The following COL25A1 variants were observed in gnomAD, a reference collection of about 807,000 sequenced individuals.
COL25A1 encodes the protein collagen type XXV alpha 1 chain, also known as collagen alpha-1(XXV) chain.
COL25A1 carries 103 observed loss-of-function variants against 128.4 expected under a neutral mutation model. That is an observed-to-expected ratio of 0.80 (90% CI 0.68 to 0.94). The LOEUF (loss-of-function observed/expected upper bound fraction) is 0.94. Among genes scored for constraint, COL25A1 ranks in the 40% least tolerant of loss-of-function variants. The pLI is 0.00. For synonymous variants in COL25A1, 279 were observed against 277.2 expected, an observed-to-expected ratio of 1.01 and a Z score of -0.06; for missense variants, 745 against 840.0, an observed-to-expected ratio of 0.89 and a Z score of 1.40.
At chr4:109,116,874 T>C (rs1767621720) in intron 3 of COL25A1, among the ~76,000 whole-genome samples, 2 of 152,000 alleles carry the variant, frequency 1.3e-5, no homozygotes, top group African/African-American at 4.8e-5. Context: ...AAGAATGCCT[T>C]GATGGACTCA....
chr4:109,180,439 GAC>G (rs1323409636), intron 3 of COL25A1, among the ~76,000 whole-genome samples: 1 of 152,000 alleles, frequency 6.6e-6, no homozygotes, highest in Non-Finnish European at 1.5e-5. Flanking sequence ...TAGAGAGTTG[GAC>G]AAGCTACCTA....
At chr4:109,039,016 T>G (rs940838721) in intron 5 of COL25A1, among the ~76,000 whole-genome samples, 1 of 152,162 alleles carries the variant, frequency 6.6e-6, no homozygotes, top group Non-Finnish European at 1.5e-5. Flanking sequence ...CCACCTCCAC[T>G]TCTATCTCCT....
At chr4:109,271,160 T>C (rs1464252280) in intron 3 of COL25A1, among the ~76,000 whole-genome samples, 1 of 152,230 alleles carries the variant, frequency 6.6e-6, no homozygotes, top group Non-Finnish European at 1.5e-5. Flanking sequence ...GTTTTGAATA[T>C]AATGCTATTT....
intron 3 of COL25A1, among the ~76,000 whole-genome samples, chr4:109,158,031 T>C (rs1772201012): frequency 6.6e-6 from 1 of 152,312 alleles, no homozygotes. Flanking sequence ...ACAAACCACC[T>C]GTTGAACTAA....
intron 3 of COL25A1, among the ~76,000 whole-genome samples, chr4:109,113,808 AG>A (rs1266403188): frequency 1.3e-5 from 2 of 152,118 alleles, no homozygotes; most frequent in African/African-American, 4.8e-5. Context: ...AAAAAGCATG[AG>A]CTCTAAATAA....
chr4:109,244,793 A>T (rs1780150837), intron 3 of COL25A1, among the ~76,000 whole-genome samples: 1 of 152,172 alleles, frequency 6.6e-6, no homozygotes, highest in South Asian at 2.1e-4. Flanking sequence ...ATATTTGATG[A>T]AGGGCATGAA....
intron 26 of COL25A1, among the ~76,000 whole-genome samples, chr4:108,851,049 T>C (rs1735715680): frequency 6.6e-6 from 1 of 151,938 alleles, no homozygotes; most frequent in Non-Finnish European, 1.5e-5. Context: ...GGTGAAATAA[T>C]GAACTTAGAC....
At chr4:109,287,425 T>C (rs1723996907) in intron 3 of COL25A1, among the ~76,000 whole-genome samples, 2 of 152,180 alleles carry the variant, frequency 1.3e-5, no homozygotes, top group Non-Finnish European at 2.9e-5. Flanking sequence ...ATACATGACC[T>C]TTCACCTTTG....
intron 3 of COL25A1, among the ~76,000 whole-genome samples, chr4:109,243,517 G>C (rs1394178732): frequency 6.6e-6 from 1 of 151,862 alleles, no homozygotes; most frequent in Non-Finnish European, 1.5e-5. Context: ...TTAAAGGGTT[G>C]GTAGGTAGTA....
At chr4:108,915,408 C>T (rs1560856275) in intron 13 of COL25A1, among the ~76,000 whole-genome samples, 1 of 152,066 alleles carries the variant, frequency 6.6e-6, no homozygotes, top group Non-Finnish European at 1.5e-5. Context: ...ACCATGTTGC[C>T]CAGGTTGGTC....
chr4:108,968,050 T>C lies in COL25A1; in HGVS notation c.492+6317A>G, dbSNP rs572678168. On this transcript the variant is annotated intron_variant, in intron 8 of 37. Transcript: ENST00000399132. ...GTGTTTGGAAGAATGAATTAAAGATTAGTGGCAAATCTGCAATGACATCTC... is the reference window on the plus strand; with the variant it reads ...GTGTTTGGAAGAATGAATTAAAGATCAGTGGCAAATCTGCAATGACATCTC... Among the ~76,000 whole-genome samples the C allele has an allele frequency of 1.1e-4, 17 of 152,276 alleles. No individual in the cohort carries two copies. In the South Asian group the frequency reaches 3.5e-3, roughly 32 times the overall value.
intron 3 of COL25A1, among the ~76,000 whole-genome samples, chr4:109,229,079 C>G (rs1778990862): frequency 6.6e-6 from 1 of 152,110 alleles, no homozygotes; most frequent in Admixed American, 6.5e-5. Flanking sequence ...ATTTTAATAT[C>G]TTAAAGAAAA....
chr4:108,846,089 AATAAGAAC>A lies in COL25A1; in HGVS notation c.1515+42_1515+49del, dbSNP rs749703799. 4 of 1,181,666 alleles carry A rather than the reference AATAAGAAC, an allele frequency of 3.4e-6. No homozygotes were observed. The South Asian group carries it at 5.1e-5, about 15-fold the overall frequency. 73.2% of individuals were successfully genotyped at this position (1,181,666 alleles called of 1,614,324 possible). ...CTTTTCTGATTGTTTAATTTATCTT[AATAAGAAC>A]ATAATATAAAAAGTATAAACAAACA... is the stretch of plus-strand genomic sequence containing the variant. On this transcript the variant is annotated intron_variant, in intron 28 of 37. Transcript: ENST00000399132.
intron 3 of COL25A1, among the ~76,000 whole-genome samples, chr4:109,151,485 G>A (rs1381697805): frequency 6.6e-6 from 1 of 152,048 alleles, no homozygotes. Context: ...AATGATCTAT[G>A]TAAGGCATAT....
intron 31 of COL25A1, among the ~76,000 whole-genome samples, chr4:108,834,696 T>C (rs1339756511): frequency 6.6e-6 from 1 of 152,218 alleles, no homozygotes; most frequent in East Asian, 1.9e-4. Flanking sequence ...CAGGCTTCTA[T>C]CTAATTTCCA....
intron 6 of COL25A1, among the ~76,000 whole-genome samples, chr4:108,993,953 C>T (rs1579015679): frequency 1.3e-5 from 2 of 151,724 alleles, no homozygotes; most frequent in African/African-American, 2.4e-5. Context: ...AAATCTATCA[C>T]GAAAGAGAGA....
At chr4:109,044,201 G>A (rs563580135) in intron 5 of COL25A1, among the ~76,000 whole-genome samples, 3 of 151,818 alleles carry the variant, frequency 2.0e-5, no homozygotes, top group South Asian at 2.1e-4. Context: ...ATTGATACAC[G>A]GGATCTAATT....
chr4:108,917,788 T>C (rs984887204), intron 13 of COL25A1, among the ~76,000 whole-genome samples: 1 of 152,234 alleles, frequency 6.6e-6, no homozygotes, highest in Non-Finnish European at 1.5e-5. Flanking sequence ...TAACTTTTGT[T>C]AGCCAATTAT....
At chr4:108,819,354 T>C in intron 35 of COL25A1, 25 bp from the exon 36 acceptor site, 1 of 1,574,204 alleles carries the variant, frequency 6.4e-7, no homozygotes, top group South Asian at 1.1e-5. Flanking sequence ...TAACTCATAA[T>C]GTTACTAACA....
Sources: gnomAD v4.1 joint callset for allele counts (sites outside exome capture counted in the v4.1 genomes callset) on GRCh38, gnomAD v4.1.1 for gene constraint, MANE v1.5 for transcripts, NCBI Gene and HGNC (gene_info 2026-07-23, HGNC 2026-07-21) for gene names.